MRAP2: variants seen among roughly 807,000 people sequenced by gnomAD.
The protein encoded by MRAP2 is melanocortin 2 receptor accessory protein 2, also known as melanocortin-2 receptor accessory protein 2.
MRAP2 carries 20 observed loss-of-function variants against 17.4 expected under a neutral mutation model. The ratio of observed to expected loss-of-function variants is 1.15; its 90% CI spans 0.81 to 1.67. MRAP2 has a LOEUF of 1.67. MRAP2 is among the 40% of genes most tolerant of loss of function. The pLI is 0.00. For missense variants in MRAP2, 238 were observed against 240.0 expected (o/e 0.99, Z 0.05); for synonymous variants, 96 against 88.4 (o/e 1.09, Z -0.48).
chr6:84,134,728 T>C, the MRAP2 span, among the ~76,000 whole-genome samples: 1 of 152,230 alleles, frequency 6.6e-6, no homozygotes, highest in East Asian at 1.9e-4. Context: ...GTTGGAAATG[T>C]AGAAATCACT....
At chr6:84,140,668 G>A in the MRAP2 span, among the ~76,000 whole-genome samples, 1 of 152,016 alleles carries the variant, frequency 6.6e-6, no homozygotes, top group African/African-American at 2.4e-5. Context: ...TGGGACTACA[G>A]GCGCATGTTA....
At chr6:84,131,407 C>T in the MRAP2 span, among the ~76,000 whole-genome samples, 1 of 152,072 alleles carries the variant, frequency 6.6e-6, no homozygotes, top group Non-Finnish European at 1.5e-5. Flanking sequence ...TCCTTGTTAA[C>T]TTTCTGTCTC....
chr6:84,051,237 G>A (rs746991889), intron 1 of MRAP2, among the ~76,000 whole-genome samples: 1 of 152,192 alleles, frequency 6.6e-6, no homozygotes, highest in Non-Finnish European at 1.5e-5. Flanking sequence ...CAGGGAGGTG[G>A]AGAGAATTGC....
At chr6:84,065,750 A>G (rs1266295137) in intron 3 of MRAP2, among the ~76,000 whole-genome samples, 1 of 152,162 alleles carries the variant, frequency 6.6e-6, no homozygotes, top group Non-Finnish European at 1.5e-5. Flanking sequence ...CTGTGAAGGT[A>G]TTTCTTAGTT....
chr6:84,113,875 T>C, the MRAP2 span, among the ~76,000 whole-genome samples: 1 of 152,196 alleles, frequency 6.6e-6, no homozygotes, highest in Admixed American at 6.5e-5. Context: ...AAATTCTGGC[T>C]TGAAAATTAT....
chr6:84,128,851 C>T, the MRAP2 span, among the ~76,000 whole-genome samples: 3 of 147,094 alleles, frequency 2.0e-5, no homozygotes, highest in South Asian at 4.4e-4. Flanking sequence ...TAACCCCCAA[C>T]CCCCCGACAG....
chr6:84,058,269 G>A (rs2099492182), intron 2 of MRAP2, among the ~76,000 whole-genome samples: 1 of 152,220 alleles, frequency 6.6e-6, no homozygotes, highest in Non-Finnish European at 1.5e-5. Context: ...ATGGTGGCTT[G>A]GAGCCAGGTA....
At chr6:84,099,521 G>T in the MRAP2 span, among the ~76,000 whole-genome samples, 1 of 152,238 alleles carries the variant, frequency 6.6e-6, no homozygotes, top group African/African-American at 2.4e-5. Flanking sequence ...CATCAGGGCA[G>T]ATTCCTCATG....
At chr6:84,122,626 C>G in the MRAP2 span, among the ~76,000 whole-genome samples, 2 of 152,074 alleles carry the variant, frequency 1.3e-5, 1 homozygote, top group South Asian at 4.1e-4. Context: ...CAACATCATA[C>G]TGCATGGGTT....
intron 3 of MRAP2, among the ~76,000 whole-genome samples, chr6:84,076,668 G>A (rs112496478): frequency 0.016 from 2,364 of 152,224 alleles, 60 homozygotes; most frequent in African/African-American, 0.053. Flanking sequence ...CCAGGCATAT[G>A]TATCTTTAAA....
the MRAP2 span, among the ~76,000 whole-genome samples, chr6:84,142,273 T>C: frequency 6.6e-6 from 1 of 152,206 alleles, no homozygotes. Flanking sequence ...ATCTGCCAAA[T>C]ACACAATTTG....
the MRAP2 span, among the ~76,000 whole-genome samples, chr6:84,140,618 T>A: frequency 6.6e-6 from 1 of 152,234 alleles, no homozygotes; most frequent in East Asian, 1.9e-4. Context: ...CTTGAACTCC[T>A]GGGCTTAACC....
the MRAP2 span, among the ~76,000 whole-genome samples, chr6:84,132,551 C>CT: frequency 6.6e-6 from 1 of 152,166 alleles, no homozygotes; most frequent in Non-Finnish European, 1.5e-5. Flanking sequence ...TCTTTTTACT[C>CT]TTTTTTCTCT....
At chr6:84,132,928 G>C in the MRAP2 span, among the ~76,000 whole-genome samples, 1 of 152,108 alleles carries the variant, frequency 6.6e-6, no homozygotes, top group African/African-American at 2.4e-5. Context: ...TGGAGGAGAA[G>C]AGGCACTCTG....
At chr6:84,145,899 T>C in the MRAP2 span, among the ~76,000 whole-genome samples, 1 of 152,258 alleles carries the variant, frequency 6.6e-6, no homozygotes, top group Non-Finnish European at 1.5e-5. Context: ...GTATACAGAC[T>C]ACTCCTACCA....
chr6:84,130,470 G>T, the MRAP2 span, among the ~76,000 whole-genome samples: 1 of 152,124 alleles, frequency 6.6e-6, no homozygotes, highest in African/African-American at 2.4e-5. Flanking sequence ...GAATTCGGCT[G>T]TGCACCCATC....
the MRAP2 span, among the ~76,000 whole-genome samples, chr6:84,120,593 A>T: frequency 6.6e-6 from 1 of 152,224 alleles, no homozygotes; most frequent in Non-Finnish European, 1.5e-5. Flanking sequence ...AAGACCTGCC[A>T]TGTATATAGC....
intron 3 of MRAP2, among the ~76,000 whole-genome samples, chr6:84,073,956 A>C (rs1415282493): frequency 6.9e-6 from 1 of 145,928 alleles, no homozygotes; most frequent in Non-Finnish European, 1.5e-5. Context: ...CAAGACAATT[A>C]TTCTTCTTCC....
chr6:84,133,276 G>A, the MRAP2 span, among the ~76,000 whole-genome samples: 1 of 152,192 alleles, frequency 6.6e-6, no homozygotes, highest in African/African-American at 2.4e-5. Flanking sequence ...CCCCTATTGG[G>A]AGGTGTCTCC....
Sources: allele counts gnomAD v4.1 joint callset (sites outside exome capture counted in the v4.1 genomes callset), GRCh38; gene constraint gnomAD v4.1.1; transcripts MANE v1.5; gene names NCBI Gene and HGNC (gene_info 2026-07-23, HGNC 2026-07-21).